The following IKZF3 variants were observed in gnomAD, a reference collection of about 807,000 sequenced individuals.
IKZF3 encodes zinc finger protein Aiolos.
IKZF3 carries 10 observed loss-of-function variants against 49.0 expected under a neutral mutation model. The ratio of observed to expected loss-of-function variants is 0.20; its 90% CI spans 0.13 to 0.35. The LOEUF is 0.35. IKZF3 is among the 10% of genes least tolerant of loss of function. The probability of loss-of-function intolerance (pLI) is 1.00; values close to 1 mark genes in which losing one functional copy is unlikely to be tolerated. For synonymous variants in IKZF3, 209 were observed against 228.2 expected (o/e 0.92, Z 0.76); for missense variants, 498 against 664.8 (o/e 0.75, Z 2.76).
intron 6 of IKZF3, among the ~76,000 whole-genome samples, chr17:39,784,472 C>T (rs1279582788): frequency 1.3e-5 from 2 of 151,614 alleles, no homozygotes; most frequent in African/African-American, 4.9e-5. Flanking sequence ...GGCATGATCT[C>T]AGCTCACTGC....
intron 1 of IKZF3, among the ~76,000 whole-genome samples, chr17:39,860,167 G>T (rs2144595949): frequency 6.6e-6 from 1 of 152,192 alleles, no homozygotes; most frequent in Non-Finnish European, 1.5e-5. Flanking sequence ...TACTCAGAAG[G>T]TTGAGGCAGG....
intron 2 of IKZF3, among the ~76,000 whole-genome samples, chr17:39,829,689 C>T (rs778056560): frequency 1.3e-5 from 2 of 151,938 alleles, no homozygotes; most frequent in African/African-American, 4.8e-5. Context: ...CAGTGGCTCA[C>T]GCCTGTAATC....
intron 3 of IKZF3, among the ~76,000 whole-genome samples, chr17:39,802,679 T>C (rs1386538172): frequency 6.6e-6 from 1 of 150,532 alleles, no homozygotes; most frequent in Admixed American, 6.6e-5. Flanking sequence ...TGGGAATAGC[T>C]GGGAATACAG....
chr17:39,862,908 C>T (rs1461208073), intron 1 of IKZF3, among the ~76,000 whole-genome samples: 1 of 152,094 alleles, frequency 6.6e-6, no homozygotes, highest in African/African-American at 2.4e-5. Flanking sequence ...TAGAGAAATA[C>T]TCCAGTTTCT....
intron 6 of IKZF3, among the ~76,000 whole-genome samples, chr17:39,787,216 C>T (rs1401292504): frequency 6.6e-6 from 1 of 152,200 alleles, no homozygotes; most frequent in Non-Finnish European, 1.5e-5. Flanking sequence ...ACAGCCAACT[C>T]AATGGGACAA....
At chr17:39,798,421 A>G (rs1005349191) in intron 3 of IKZF3, among the ~76,000 whole-genome samples, 2 of 152,144 alleles carry the variant, frequency 1.3e-5, no homozygotes, top group African/African-American at 2.4e-5. Flanking sequence ...ATCTTTAACT[A>G]AAGAGCTTCT....
rs907494312 is a variant in IKZF3, at chr17:39,758,764, C to G, written c.*7026G>C. On this transcript the variant is annotated 3_prime_UTR_variant, in exon 8 of 8. Coordinates refer to ENST00000346872, the MANE Select transcript of IKZF3 (RefSeq NM_012481.5). ...CTGGTTCCAAGGGTCAGCAGATCCTCTGCCCTTGTGCATTAAAACAACATG... is the reference window on the plus strand; with the variant it reads ...CTGGTTCCAAGGGTCAGCAGATCCTGTGCCCTTGTGCATTAAAACAACATG... The G allele has an allele frequency of 5.3e-5, 8 of 151,140 alleles. No individual in the cohort carries two copies. The highest frequency in any genetic ancestry group is 4.2e-4 in the South Asian group (2 of 4,750). The allele number at this position is 151,140 out of a possible 1,614,324, so 9.4% of individuals were successfully genotyped here. A position where few individuals can be genotyped will look rare whatever the true frequency, so the allele number is the denominator to read the frequency against.
intron 3 of IKZF3, among the ~76,000 whole-genome samples, chr17:39,798,651 G>A (rs192827738): frequency 2.6e-5 from 4 of 151,898 alleles, no homozygotes; most frequent in African/African-American, 4.8e-5. Flanking sequence ...GACTACAGGC[G>A]CCCACCACCA....
rs765182589 is a variant in IKZF3, at chr17:39,766,045, G to A, written c.1275C>T (p.Tyr425=). The part of the protein sequence containing the change: ...MPLLKEVPRS[Y]ELLKPPPICP... ...AGATGGGCGGGGGCTTGAGGAGTTCGTAAGAGCGGGGAACCTCCTTCAGAA... is the reference window on the plus strand; with the variant it reads ...AGATGGGCGGGGGCTTGAGGAGTTCATAAGAGCGGGGAACCTCCTTCAGAA... Residue 425 remains tyrosine (Y), a synonymous_variant, in exon 8 of 8, where the codon TAC becomes TAT. Coordinates refer to ENST00000346872, the MANE Select transcript of IKZF3 (RefSeq NM_012481.5). The A allele has an allele frequency of 3.7e-6, 6 of 1,614,188 alleles. No individual in the cohort carries two copies. Among genetic ancestry groups the A allele is most frequent in the East Asian group, 2.2e-5 (1 of 44,884 alleles).
chr17:39,783,245 C>T (rs1005841844), intron 6 of IKZF3, among the ~76,000 whole-genome samples: 1 of 152,216 alleles, frequency 6.6e-6, no homozygotes, highest in Non-Finnish European at 1.5e-5. Flanking sequence ...GTATCAAAGA[C>T]AGAGGCAGGT....
At chr17:39,833,684 T>C (rs1261219220) in intron 1 of IKZF3, among the ~76,000 whole-genome samples, 1 of 152,220 alleles carries the variant, frequency 6.6e-6, no homozygotes, top group Non-Finnish European at 1.5e-5. Context: ...ACACCTAGAC[T>C]GTTTCCAGTT....
At position 39,864,236 on chromosome 17, in the gene IKZF3, G is replaced by A. The variant is rs1000840468; in HGVS notation, c.-110C>T. On this transcript the variant is annotated 5_prime_UTR_variant, in exon 1 of 8. Transcript: ENST00000346872. Reference sequence around the variant, plus strand: ...GCTGGCGGGAGATTCCCGGCGCGGGGAGTCCCCGGGATCCGGCAGCCGCGT... The same window carrying A: ...GCTGGCGGGAGATTCCCGGCGCGGGAAGTCCCCGGGATCCGGCAGCCGCGT... The A allele has an allele frequency of 3.1e-6, 4 of 1,294,416 alleles. No homozygotes were observed. Among genetic ancestry groups the A allele is most frequent in the Admixed American group, 2.3e-5 (1 of 44,346 alleles). The allele number at this position is 1,294,416 out of a possible 1,614,324, so 80.2% of individuals were successfully genotyped here.
At chr17:39,844,875 G>C (rs1273257679) in intron 1 of IKZF3, among the ~76,000 whole-genome samples, 1 of 152,066 alleles carries the variant, frequency 6.6e-6, no homozygotes, top group African/African-American at 2.4e-5. Flanking sequence ...GCCTGCCTCA[G>C]GCTCCCAGAT....
intron 7 of IKZF3, among the ~76,000 whole-genome samples, chr17:39,769,698 C>G (rs1241976216): frequency 2.0e-5 from 3 of 152,166 alleles, no homozygotes; most frequent in Non-Finnish European, 4.4e-5. Flanking sequence ...CTCTATTCAT[C>G]TCCCTAAATA....
At chr17:39,859,609 GA>G (rs1361508485) in intron 1 of IKZF3, among the ~76,000 whole-genome samples, 1 of 151,944 alleles carries the variant, frequency 6.6e-6, no homozygotes, top group African/African-American at 2.4e-5. Context: ...GGCTGGTCTT[GA>G]AGTCCCAGGC....
intron 1 of IKZF3, chr17:39,835,886 G>A (rs909837384): frequency 1.7e-5 from 11 of 642,014 alleles, no homozygotes; most frequent in South Asian, 1.5e-4. Context: ...TGTTCTTGAA[G>A]TCCTCCACCA....
At chr17:39,850,843 AAT>A (rs1348710614) in intron 1 of IKZF3, among the ~76,000 whole-genome samples, 2 of 127,404 alleles carry the variant, frequency 1.6e-5, no homozygotes, top group Non-Finnish European at 3.1e-5. Flanking sequence ...TAGTATATAT[AAT>A]ATATAATATG....
At chr17:39,840,356 T>A (rs912799015) in intron 1 of IKZF3, among the ~76,000 whole-genome samples, 9 of 152,332 alleles carry the variant, frequency 5.9e-5, no homozygotes, top group African/African-American at 2.2e-4. Flanking sequence ...AAATGGGGCC[T>A]GCCCTTGTAT....
rs2062259997 is a variant in IKZF3 at position 39,835,784 on chromosome 17, C to T, written c.8-3633G>A. On this transcript the variant is annotated intron_variant, in intron 1 of 7. Coordinates refer to ENST00000346872, the MANE Select transcript of IKZF3 (RefSeq NM_012481.5). Reference sequence around the variant, plus strand: ...ATCCAGGTAAGACTCCATCCAGCTCCACCCTATTCATGTATGCCTCATCCA... The same window carrying T: ...ATCCAGGTAAGACTCCATCCAGCTCTACCCTATTCATGTATGCCTCATCCA... 5.9e-6 allele frequency: 3 copies of T among 511,842 alleles called. No individual in the cohort carries two copies. The Admixed American group carries it at 6.6e-5, about 11-fold the overall frequency. 31.7% of individuals were successfully genotyped at this position (511,842 alleles called of 1,614,324 possible). A position where few individuals can be genotyped will look rare whatever the true frequency, so the allele number is the denominator to read the frequency against.
Sources: allele counts gnomAD v4.1 joint callset (sites outside exome capture counted in the v4.1 genomes callset), GRCh38; gene constraint gnomAD v4.1.1; transcripts MANE v1.5; gene names NCBI Gene and HGNC (gene_info 2026-07-23, HGNC 2026-07-21).